HEATR4: variants seen among roughly 807,000 people sequenced by gnomAD.
The protein encoded by HEATR4 is HEAT repeat-containing protein 4.
In HEATR4, 95 loss-of-function variants were observed where a neutral mutation model predicts 108.8. The observed-to-expected ratio is 0.87, with a 90% CI of 0.74 to 1.04. The LOEUF is 1.04. HEATR4 is among the 50% of genes least tolerant of loss of function. The pLI is 0.00. For missense variants in HEATR4, 1,152 were observed against 1,253.8 expected (o/e 0.92, Z 1.23); for synonymous variants, 443 against 459.4 (o/e 0.96, Z 0.46).
the HEATR4 span, among the ~76,000 whole-genome samples, chr14:73,585,820 CTTTTTTTT>C: frequency 2.6e-5 from 3 of 115,570 alleles, no homozygotes; most frequent in African/African-American, 1.2e-4. Context: ...TTGTCTTTTT[CTTTTTTTT>C]TTTTTTTTTG....
intron 6 of HEATR4, 75 bp downstream of exon 6, chr14:73,513,956 G>T: frequency 6.9e-7 from 1 of 1,451,862 alleles, no homozygotes. Context: ...ATTTTTCAAA[G>T]ACTGAGAAAG....
chr14:73,552,092 T>G (rs1166723617), intron 1 of HEATR4, among the ~76,000 whole-genome samples: 4 of 114,530 alleles, frequency 3.5e-5, no homozygotes, highest in African/African-American at 1.1e-4. Context: ...TTTCCTTTCT[T>G]TCATGTCCTA....
intron 5 of HEATR4, among the ~76,000 whole-genome samples, chr14:73,518,672 C>G (rs777158374): frequency 6.6e-6 from 1 of 152,052 alleles, no homozygotes; most frequent in African/African-American, 2.4e-5. Flanking sequence ...GGGAAAAGGG[C>G]AGAATGCTGG....
Position 73,546,017 on chromosome 14 carries a change from T to C in HEATR4, c.-152+12734A>G, listed in dbSNP as rs1235555337. Reference sequence around the variant, plus strand: ...ATTTTTTTTTGAGACAGTCTCGCTCTGTTGCCCAGGCTAGAGTACAATGGC... The same window carrying C: ...ATTTTTTTTTGAGACAGTCTCGCTCCGTTGCCCAGGCTAGAGTACAATGGC... On this transcript the variant is annotated intron_variant, in intron 1 of 17. Transcript: ENST00000553558. 1.7e-5 allele frequency among the ~76,000 whole-genome samples: 2 copies of C among 114,460 alleles called. 1 individual carries two copies. Among genetic ancestry groups the C allele is most frequent in the Non-Finnish European group, 3.8e-5 (2 of 52,664 alleles). 75.1% of individuals were successfully genotyped at this position (114,460 alleles called of 152,430 possible). A position where few individuals can be genotyped will look rare whatever the true frequency, so the allele number is the denominator to read the frequency against.
At chr14:73,590,065 G>C in the HEATR4 span, among the ~76,000 whole-genome samples, 3 of 152,136 alleles carry the variant, frequency 2.0e-5, no homozygotes, top group African/African-American at 7.2e-5. Flanking sequence ...AAACTAAATA[G>C]AACAAACCTT....
chr14:73,587,014 A>C, the HEATR4 span, among the ~76,000 whole-genome samples: 1 of 152,046 alleles, frequency 6.6e-6, no homozygotes, highest in Non-Finnish European at 1.5e-5. Flanking sequence ...GAAGTCCACA[A>C]GTGTTCAATT....
intron 1 of HEATR4, chr14:73,543,594 TC>T: frequency 1.4e-6 from 1 of 732,910 alleles, no homozygotes; most frequent in Non-Finnish European, 2.0e-6. Context: ...TGGAAACAAC[TC>T]CAGACTTTCT....
the HEATR4 span, among the ~76,000 whole-genome samples, chr14:73,600,053 G>A: frequency 2.6e-5 from 4 of 152,026 alleles, no homozygotes; most frequent in African/African-American, 7.3e-5. Context: ...CAATCTGAAC[G>A]GCTTTGAAAC....
At chr14:73,630,954 T>C in the HEATR4 span, among the ~76,000 whole-genome samples, 1 of 152,186 alleles carries the variant, frequency 6.6e-6, no homozygotes, top group African/African-American at 2.4e-5. Context: ...GACAGGACTT[T>C]AACAAGTCCT....
chr14:73,490,857 G>A, intron 17 of HEATR4: 1 of 694,888 alleles, frequency 1.4e-6, no homozygotes, highest in Non-Finnish European at 2.0e-6. Flanking sequence ...TTTAATGAAA[G>A]AGAGCGGGAG....
chr14:73,597,070 TTTTATTTA>T, the HEATR4 span, among the ~76,000 whole-genome samples: 6,623 of 148,868 alleles, frequency 0.044, 174 homozygotes, highest in Middle Eastern at 0.075. Context: ...GGTAATTTTA[TTTTATTTA>T]TTTATTTATT....
At chr14:73,590,778 A>G in the HEATR4 span, among the ~76,000 whole-genome samples, 1 of 151,686 alleles carries the variant, frequency 6.6e-6, no homozygotes, top group Non-Finnish European at 1.5e-5. Flanking sequence ...CTGGCCCGCA[A>G]GCCCCGCGGG....
intron 17 of HEATR4, among the ~76,000 whole-genome samples, chr14:73,480,692 G>C (rs1885214320): frequency 6.6e-6 from 1 of 152,056 alleles, no homozygotes; most frequent in Non-Finnish European, 1.5e-5. Context: ...GAACAAACTG[G>C]TGCACCTACA....
At chr14:73,595,465 G>C in the HEATR4 span, 7 of 1,614,176 alleles carry the variant, frequency 4.3e-6, no homozygotes, top group Non-Finnish European at 5.9e-6. Context: ...CTGGGACTGG[G>C]CATTACATCG....
chr14:73,586,246 A>G, the HEATR4 span, among the ~76,000 whole-genome samples: 1 of 150,930 alleles, frequency 6.6e-6, no homozygotes, highest in Non-Finnish European at 1.5e-5. Flanking sequence ...ATACAAAATT[A>G]GCTGGGCATC....
the HEATR4 span, among the ~76,000 whole-genome samples, chr14:73,602,939 G>T: frequency 1.5e-4 from 23 of 152,280 alleles, no homozygotes; most frequent in African/African-American, 5.5e-4. Context: ...TGTTAAATAT[G>T]TTAAAGGTTT....
intron 2 of HEATR4, chr14:73,527,099 T>C (rs867738831): frequency 4.6e-5 from 7 of 152,150 alleles, no homozygotes; most frequent in Non-Finnish European, 8.8e-5. Flanking sequence ...CACCCCCTGG[T>C]ATACATCAGC....
At chr14:73,560,821 A>T (rs1167593422), upstream of HEATR4, among the ~76,000 whole-genome samples, 1 of 152,010 alleles carries the variant, frequency 6.6e-6, no homozygotes, top group Non-Finnish European at 1.5e-5. Context: ...TGTTTCTAAT[A>T]AATCAAAACC....
chr14:73,591,741 G>T, the HEATR4 span: 1 of 430,364 alleles, frequency 2.3e-6, no homozygotes, highest in Non-Finnish European at 3.9e-6. Flanking sequence ...GGGGCCCAAG[G>T]AGACGACCCT....
Sources: allele counts gnomAD v4.1 joint callset (sites outside exome capture counted in the v4.1 genomes callset), GRCh38; gene constraint gnomAD v4.1.1; transcripts MANE v1.5; gene names NCBI Gene and HGNC (gene_info 2026-07-23, HGNC 2026-07-21).